Variants in IL1RAPL1 observed in about 807,000 individuals in gnomAD.
The protein encoded by IL1RAPL1 is interleukin 1 receptor accessory protein like 1.
Under a neutral mutation model 48.4 loss-of-function variants are expected in IL1RAPL1, and 3 were observed. That is an observed-to-expected ratio of 0.06 (90% CI 0.03 to 0.16). The LOEUF (loss-of-function observed/expected upper bound fraction) is 0.16. IL1RAPL1 is among the 10% of genes least tolerant of loss of function. The pLI is 1.00. For missense variants in IL1RAPL1, 349 were observed against 530.6 expected (o/e 0.66, Z 3.36); for synonymous variants, 185 against 187.7 (o/e 0.99, Z 0.12).
intron 1 of IL1RAPL1, among the ~76,000 whole-genome samples, chrX:28,684,946 C>T (rs1935096063): frequency 8.9e-6 from 1 of 111,749 alleles, no homozygotes; most frequent in Admixed American, 9.6e-5. Context: ...TCTCCAAAGG[C>T]TCTTTCCTTG....
chrX:28,811,419 G>C (rs1345526677), intron 2 of IL1RAPL1, among the ~76,000 whole-genome samples: 1 of 110,461 alleles, frequency 9.1e-6, no homozygotes, highest in Non-Finnish European at 1.9e-5. Flanking sequence ...GGTAATGGTA[G>C]CTAAAATCCT....
chrX:29,812,557 G>A (rs1930403413), intron 6 of IL1RAPL1, among the ~76,000 whole-genome samples: 1 of 111,022 alleles, frequency 9.0e-6, no homozygotes, highest in Non-Finnish European at 1.9e-5. Flanking sequence ...CATCATTAAC[G>A]TTCTGCTGGT....
chrX:29,896,800 T>A (rs1180766670), intron 6 of IL1RAPL1, among the ~76,000 whole-genome samples: 1 of 110,812 alleles, frequency 9.0e-6, no homozygotes, highest in East Asian at 2.8e-4. Flanking sequence ...CAAATGATGC[T>A]TTATGTCAAT....
chrX:29,862,969 T>TAAAA (rs1206630965), intron 6 of IL1RAPL1, among the ~76,000 whole-genome samples: 1 of 61,548 alleles, frequency 1.6e-5, no homozygotes, highest in African/African-American at 5.8e-5. Context: ...TTGGCATACT[T>TAAAA]AAAAAAAAAA....
chrX:29,362,868 C>A (rs1007021315), intron 3 of IL1RAPL1, among the ~76,000 whole-genome samples: 12 of 111,899 alleles, frequency 1.1e-4, no homozygotes, highest in Non-Finnish European at 2.1e-4. Flanking sequence ...TAAATTAATC[C>A]CTCCATTGCA....
chrX:29,483,423 G>A (rs1432390631), intron 5 of IL1RAPL1, among the ~76,000 whole-genome samples: 2 of 111,355 alleles, frequency 1.8e-5, no homozygotes, highest in Non-Finnish European at 3.8e-5. Flanking sequence ...TGTTGGTGAT[G>A]TCCGTATGCT....
intron 2 of IL1RAPL1, among the ~76,000 whole-genome samples, chrX:28,819,965 G>GTGAT (rs1936913362): frequency 2.6e-5 from 1 of 39,121 alleles, no homozygotes; most frequent in Non-Finnish European, 4.7e-5. Flanking sequence ...CATAAACATA[G>GTGAT]TGATATATAT....
chrX:29,738,450 C>CTTTTTTTTTTTTTTTTTTTTT (rs59952038), intron 6 of IL1RAPL1, among the ~76,000 whole-genome samples: 8 of 86,163 alleles, frequency 9.3e-5, no homozygotes, highest in African/African-American at 3.8e-4. Flanking sequence ...CTTTTCTTTT[C>CTTTTTTTTTTTTTTTTTTTTT]TTTTTTTTTT....
intron 2 of IL1RAPL1, among the ~76,000 whole-genome samples, chrX:29,028,081 C>A (rs746587749): frequency 1.8e-5 from 2 of 110,213 alleles, no homozygotes; most frequent in African/African-American, 6.6e-5. Context: ...AATTACCTGA[C>A]ATACCATTTT....
At chrX:28,934,663 C>T (rs143885073) in intron 2 of IL1RAPL1, among the ~76,000 whole-genome samples, 1,613 of 111,813 alleles carry the variant, frequency 0.014, 15 homozygotes, top group Non-Finnish European at 0.019. Context: ...CTGATTTCTT[C>T]CACTCAGCAC....
rs767882015 is a variant in IL1RAPL1 at position 29,920,301 on chromosome X, C to CTT, written c.1057+210_1057+211dup. Among the ~76,000 whole-genome samples the CTT allele has an allele frequency of 1.6e-3, 176 of 111,341 alleles. 1 individual carries two copies. The highest frequency in any genetic ancestry group is 5.2e-3 in the African/African-American group (159 of 30,615). On this transcript the variant is annotated intron_variant, in intron 8 of 10. Coordinates refer to ENST00000378993, the MANE Select transcript of IL1RAPL1 (RefSeq NM_014271.4). Reference sequence around the variant, plus strand: ...TCTAAAATCAAATTTGAAATCCTTGCTTTTCTTTAATACCAACTGTGTAAC... The same window carrying CTT: ...TCTAAAATCAAATTTGAAATCCTTGCTTTTTTCTTTAATACCAACTGTGTAAC...
intron 1 of IL1RAPL1, among the ~76,000 whole-genome samples, chrX:28,654,038 G>A (rs753926484): frequency 9.0e-6 from 1 of 111,229 alleles, no homozygotes; most frequent in South Asian, 3.8e-4. Context: ...AAAGCGTTGA[G>A]GGTCACAGAG....
intron 2 of IL1RAPL1, among the ~76,000 whole-genome samples, chrX:28,972,699 A>G (rs769383882): frequency 9.0e-6 from 1 of 111,581 alleles, no homozygotes; most frequent in Admixed American, 9.5e-5. Context: ...AGATCGTGCC[A>G]CTGCCCTCCA....
chrX:28,783,423 T>G (rs966053120), intron 1 of IL1RAPL1, among the ~76,000 whole-genome samples: 4 of 111,568 alleles, frequency 3.6e-5, no homozygotes, highest in African/African-American at 1.3e-4. Context: ...GTTTAGAAGC[T>G]TGGTTGTAAG....
At chrX:29,829,155 TACACACACACACACACAC>T (rs57560936) in intron 6 of IL1RAPL1, among the ~76,000 whole-genome samples, 41 of 61,880 alleles carry the variant, frequency 6.6e-4, no homozygotes, top group South Asian at 1.3e-3. Context: ...GACAAAAACC[TACACACACACACACACAC>T]ACACACACAC....
chrX:29,306,530 G>GAAAAAAAAAA (rs1166748708), intron 3 of IL1RAPL1, among the ~76,000 whole-genome samples: 10 of 33,438 alleles, frequency 3.0e-4, no homozygotes, highest in Non-Finnish European at 3.7e-4. Flanking sequence ...TCTGTCAAAA[G>GAAAAAAAAAA]AAAAAAAAAA....
rs189281629 is a variant in IL1RAPL1 at position 28,680,879 on chromosome X, G to T, written c.-25+92832G>T. Among the ~76,000 whole-genome samples the T allele has an allele frequency of 9.6e-3, 1,068 of 111,445 alleles. 12 individuals carry two copies. Among genetic ancestry groups the T allele is most frequent in the African/African-American group, 0.033 (1,009 of 30,735 alleles). On this transcript the variant is annotated intron_variant, in intron 1 of 10. Coordinates refer to ENST00000378993, the MANE Select transcript of IL1RAPL1 (RefSeq NM_014271.4). ...TTCTGATATTTTGTGGAGGATTTTT[G>T]CATTGTCTGTAGTTTTCTTGTAGTG...
At chrX:28,779,243 C>T (rs1484190276) in intron 1 of IL1RAPL1, among the ~76,000 whole-genome samples, 1 of 110,666 alleles carries the variant, frequency 9.0e-6, no homozygotes, top group Non-Finnish European at 1.9e-5. Flanking sequence ...TTTTAATGAC[C>T]TTGATTGAAG....
chrX:29,386,614 C>T (rs1470990648), intron 3 of IL1RAPL1, among the ~76,000 whole-genome samples: 1 of 104,967 alleles, frequency 9.5e-6, no homozygotes, highest in African/African-American at 3.5e-5. Context: ...GTGATCTTGT[C>T]TCACTGCAAC....
Sources: allele counts gnomAD v4.1 joint callset (sites outside exome capture counted in the v4.1 genomes callset), GRCh38; gene constraint gnomAD v4.1.1; transcripts MANE v1.5; gene names NCBI Gene and HGNC (gene_info 2026-07-23, HGNC 2026-07-21).